CAMTA1: variants seen among roughly 807,000 people sequenced by gnomAD.
CAMTA1 encodes calmodulin binding transcription activator 1, also known as calmodulin-binding transcription activator 1.
CAMTA1 carries 27 observed loss-of-function variants against 170.9 expected under a neutral mutation model. The observed-to-expected ratio is 0.16, with a 90% confidence interval of 0.12 to 0.22. The LOEUF is 0.22. CAMTA1 is among the 10% of genes least tolerant of loss of function. The probability of loss-of-function intolerance (pLI) is 1.00; values close to 1 mark genes in which losing one functional copy is unlikely to be tolerated. For missense variants in CAMTA1, 1,619 were observed against 2,217.2 expected, an observed-to-expected ratio of 0.73 and a Z score of 5.42; for synonymous variants, 833 against 891.5, an observed-to-expected ratio of 0.93 and a Z score of 1.17.
At chr1:7,533,926 T>A (rs2094520300) in intron 6 of CAMTA1, among the ~76,000 whole-genome samples, 1 of 151,238 alleles carries the variant, frequency 6.6e-6, no homozygotes, top group African/African-American at 2.4e-5. Context: ...CAAAAAAAAA[T>A]GAAAAGAAAA....
intron 16 of CAMTA1, among the ~76,000 whole-genome samples, chr1:7,742,470 C>G (rs115576094): frequency 1.3e-3 from 196 of 152,138 alleles, no homozygotes; most frequent in African/African-American, 4.5e-3. Context: ...TTTCAGGTGT[C>G]CAAGGCATGT....
Position 7,664,768 on chromosome 1 carries a change from G to A in CAMTA1, c.2221G>A (p.Val741Met), listed in dbSNP as rs778144678. 4 of 1,610,988 alleles carry A rather than the reference G, an allele frequency of 2.5e-6. No homozygotes were observed. In the East Asian group the frequency reaches 6.7e-5, roughly 27 times the overall value. Residue 741 changes from valine to methionine, a missense_variant, in exon 9 of 23, where the codon GTG (valine) becomes ATG (methionine). Physicochemically the swap from Val to Met is conservative, Grantham distance 21. This residue lies in a region of CAMTA1 where 731 missense variants were observed against 907.6 expected (regional missense o/e 0.81). Coordinates refer to ENST00000303635, the MANE Select transcript of CAMTA1 (RefSeq NM_015215.4). The part of the protein sequence containing the change: ...GGVPILPGNV[V>M]QGLYPVAQPS... ...CGTCCCCATCCTCCCGGGCAACGTGGTGCAGGGACTCTACCCCGTGGCCCA... is the reference window on the plus strand; with the variant it reads ...CGTCCCCATCCTCCCGGGCAACGTGATGCAGGGACTCTACCCCGTGGCCCA...
At chr1:7,412,207 T>C (rs1349139077) in intron 5 of CAMTA1, among the ~76,000 whole-genome samples, 8 of 152,004 alleles carry the variant, frequency 5.3e-5, no homozygotes, top group African/African-American at 1.5e-4. Context: ...TGAATAGTGC[T>C]GCAATAAACA....
At chr1:6,922,255 A>T (rs1457771587) in intron 3 of CAMTA1, among the ~76,000 whole-genome samples, 2 of 152,194 alleles carry the variant, frequency 1.3e-5, no homozygotes, top group Non-Finnish European at 2.9e-5. Flanking sequence ...TGCAGAGGGA[A>T]GGGACCTGGC....
chr1:6,828,385 G>A lies in CAMTA1; in HGVS notation c.234+3175G>A, dbSNP rs373027086. Reference sequence around the variant, plus strand: ...TGGCTCACTGCAACCTCCGCCTCCCGGGTTCAAGCGGTTCTCCTGCCTCAG... The same window carrying A: ...TGGCTCACTGCAACCTCCGCCTCCCAGGTTCAAGCGGTTCTCCTGCCTCAG... On this transcript the variant is annotated intron_variant, in intron 3 of 22. Transcript: ENST00000303635. Among the ~76,000 whole-genome samples the A allele has an allele frequency of 6.3e-4, 88 of 139,302 alleles. 2 individuals carry two copies. The South Asian group carries it at 0.019, about 30-fold the overall frequency. 91.4% of individuals were successfully genotyped at this position (139,302 alleles called of 152,430 possible). A position where few individuals can be genotyped will look rare whatever the true frequency, so the allele number is the denominator to read the frequency against.
intron 4 of CAMTA1, among the ~76,000 whole-genome samples, chr1:7,138,978 GA>G (rs1645705900): frequency 6.8e-6 from 1 of 146,016 alleles, no homozygotes; most frequent in African/African-American, 2.5e-5. Context: ...CTGGGTGACA[GA>G]GCAAGACTCT....
At chr1:6,867,933 A>G (rs1452506666) in intron 3 of CAMTA1, among the ~76,000 whole-genome samples, 1 of 151,688 alleles carries the variant, frequency 6.6e-6, no homozygotes, top group African/African-American at 2.4e-5. Flanking sequence ...TCAGCCTCCT[A>G]AGTAGCTGGG....
chr1:7,519,698 A>T (rs925220053), intron 6 of CAMTA1, among the ~76,000 whole-genome samples: 5 of 151,714 alleles, frequency 3.3e-5, no homozygotes, highest in African/African-American at 1.2e-4. Flanking sequence ...CCCCTCCCTC[A>T]GTAGAGGTGA....
chr1:7,149,029 C>T (rs914120118), intron 4 of CAMTA1, among the ~76,000 whole-genome samples: 1 of 152,024 alleles, frequency 6.6e-6, no homozygotes, highest in Non-Finnish European at 1.5e-5. Flanking sequence ...GGCACATTCC[C>T]GAGGTACGGG....
intron 3 of CAMTA1, among the ~76,000 whole-genome samples, chr1:6,876,854 A>G (rs1251321733): frequency 1.3e-5 from 2 of 152,190 alleles, no homozygotes; most frequent in African/African-American, 4.8e-5. Context: ...CAATCACTGA[A>G]TAGTACAGAA....
At chr1:6,877,198 C>T (rs1208238736) in intron 3 of CAMTA1, among the ~76,000 whole-genome samples, 1 of 152,200 alleles carries the variant, frequency 6.6e-6, no homozygotes, top group African/African-American at 2.4e-5. Flanking sequence ...CTTCTGCGCT[C>T]CCCCTCCCAT....
intron 3 of CAMTA1, among the ~76,000 whole-genome samples, chr1:7,019,832 C>T (rs745992244): frequency 3.3e-5 from 5 of 152,248 alleles, no homozygotes; most frequent in Non-Finnish European, 7.3e-5. Context: ...CAGCCCCGCC[C>T]AGCTCCCCGG....
chr1:6,913,642 T>C (rs1680172996), intron 3 of CAMTA1, among the ~76,000 whole-genome samples: 1 of 151,970 alleles, frequency 6.6e-6, no homozygotes, highest in South Asian at 2.1e-4. Flanking sequence ...TGGATGAGCG[T>C]TTCTGTTTGA....
Position 7,230,445 on chromosome 1 carries a change from GCC to G in CAMTA1, c.303-19043_303-19042del, listed in dbSNP as rs1553279860. Among the ~76,000 whole-genome samples the G allele has an allele frequency of 3.3e-4, 16 of 47,926 alleles. 2 individuals carry two copies. Among genetic ancestry groups the G allele is most frequent in the African/African-American group, 1.6e-3 (12 of 7,446 alleles). 31.4% of individuals were successfully genotyped at this position (47,926 alleles called of 152,430 possible). ...TGCTCTGGGCTGACCCCCCCCCCCC[GCC>G]CCGCAAAGCTCTGTGGAAAGCGCCT... On this transcript the variant is annotated intron_variant, in intron 4 of 22. Coordinates refer to ENST00000303635, the MANE Select transcript of CAMTA1 (RefSeq NM_015215.4).
In CAMTA1 at chr1:7,631,677, C is replaced by T. The variant is rs533231637; in HGVS notation, c.511-8723C>T. Reference sequence around the variant, plus strand: ...CAAGGAGACAGCAGCCTGCAGGGGCCGGCAGATCCTGGGAGACCTGAGCAG... The same window carrying T: ...CAAGGAGACAGCAGCCTGCAGGGGCTGGCAGATCCTGGGAGACCTGAGCAG... On this transcript the variant is annotated intron_variant, in intron 6 of 22. Transcript: ENST00000303635. Among the ~76,000 whole-genome samples, 9 of 152,278 alleles carry T rather than the reference C, an allele frequency of 5.9e-5. No homozygotes were observed. The East Asian group carries it at 1.2e-3, about 20-fold the overall frequency.
intron 1 of CAMTA1, among the ~76,000 whole-genome samples, chr1:6,787,883 G>C (rs552415768): frequency 6.6e-6 from 1 of 152,198 alleles, no homozygotes; most frequent in Non-Finnish European, 1.5e-5. Flanking sequence ...GTAGGGGAAA[G>C]AGATTTCGTG....
At chr1:6,888,188 C>T (rs560001140) in intron 3 of CAMTA1, 12 of 986,030 alleles carry the variant, frequency 1.2e-5, no homozygotes, top group African/African-American at 5.2e-5. Flanking sequence ...TCTAAATAAA[C>T]GCTGTTGAAC....
At position 7,642,320 on chromosome 1, in the gene CAMTA1, G is replaced by A. The variant is rs2095768850; in HGVS notation, c.664+1767G>A. 6.6e-6 allele frequency among the ~76,000 whole-genome samples: 1 copy of A among 152,194 alleles called. No individual in the cohort carries two copies. Among genetic ancestry groups the A allele is most frequent in the South Asian group, 2.1e-4 (1 of 4,830 alleles). ...GGGTGTGCACAAGGCCCTGGAAATA[G>A]CCCTGGAATGGTGGGGGGGAAGGGA... On this transcript the variant is annotated intron_variant, in intron 7 of 22. Coordinates refer to ENST00000303635, the MANE Select transcript of CAMTA1 (RefSeq NM_015215.4). The surrounding 1 kb of genome is among the most constrained non-coding windows in gnomAD (Gnocchi z 6.3).
At chr1:7,610,473 G>C (rs892221321) in intron 6 of CAMTA1, among the ~76,000 whole-genome samples, 1 of 152,156 alleles carries the variant, frequency 6.6e-6, no homozygotes, top group Non-Finnish European at 1.5e-5. Flanking sequence ...AATCAGCCCC[G>C]TGACCCTCCC....
Sources: allele counts gnomAD v4.1 joint callset (sites outside exome capture counted in the v4.1 genomes callset), GRCh38; gene constraint gnomAD v4.1.1; regional missense constraint gnomAD v4.1.1; non-coding constraint Gnocchi (gnomAD v3.1); transcripts MANE v1.5; gene names NCBI Gene and HGNC (gene_info 2026-07-23, HGNC 2026-07-21).